Variants in MANBA observed in about 807,000 individuals in gnomAD.
The protein encoded by MANBA is mannosidase beta, also known as beta-mannosidase.
MANBA carries 83 observed loss-of-function variants against 111.1 expected under a neutral mutation model. The observed-to-expected ratio is 0.75, with a 90% CI of 0.63 to 0.90. MANBA has a LOEUF of 0.90. Ranked by LOEUF, MANBA falls within the 40% of genes least tolerant of loss-of-function variation. The pLI, the probability that MANBA is intolerant of heterozygous loss-of-function variation, is 0.00. For missense variants in MANBA, 1,036 were observed against 1,069.0 expected (o/e 0.97, Z 0.43); for synonymous variants, 370 against 378.7 (o/e 0.98, Z 0.27).
chr4:102,756,241 T>C (rs901193744), intron 1 of MANBA, among the ~76,000 whole-genome samples: 2 of 152,136 alleles, frequency 1.3e-5, no homozygotes, highest in African/African-American at 4.8e-5. Flanking sequence ...CCAACAATGA[T>C]AGACTGGATT....
chr4:102,727,008 C>T (rs1354631345), intron 1 of MANBA, among the ~76,000 whole-genome samples: 1 of 152,186 alleles, frequency 6.6e-6, no homozygotes, highest in Non-Finnish European at 1.5e-5. Context: ...AACTCCTGAC[C>T]TCAAGTGATC....
intron 12 of MANBA, among the ~76,000 whole-genome samples, chr4:102,655,872 A>G (rs1410198581): frequency 6.6e-6 from 1 of 152,220 alleles, no homozygotes; most frequent in African/African-American, 2.4e-5. Context: ...GGGAGAAAAT[A>G]TTTGCAAATC....
chr4:102,725,617 A>C (rs945580076), intron 2 of MANBA, among the ~76,000 whole-genome samples: 4 of 152,236 alleles, frequency 2.6e-5, no homozygotes, highest in African/African-American at 9.6e-5. Flanking sequence ...CACAATCAAT[A>C]TTCTGTGATG....
chr4:102,678,859 T>C (rs765694502), intron 7 of MANBA, among the ~76,000 whole-genome samples: 1 of 152,324 alleles, frequency 6.6e-6, no homozygotes, highest in South Asian at 2.1e-4. Context: ...ACCAAACAGA[T>C]GATATGTAAT....
chr4:102,682,568 C>T (rs1051038236), intron 7 of MANBA: 1 of 152,138 alleles, frequency 6.6e-6, no homozygotes, highest in African/African-American at 2.4e-5. Context: ...AGTGTCCCCC[C>T]AAAATTCATG....
intron 1 of MANBA, among the ~76,000 whole-genome samples, chr4:102,735,627 T>C (rs1279054088): frequency 6.6e-6 from 1 of 152,114 alleles, no homozygotes; most frequent in Non-Finnish European, 1.5e-5. Flanking sequence ...TGACCCTATT[T>C]GATCATACTG....
chr4:102,693,788 T>C (rs1263690932), intron 5 of MANBA, among the ~76,000 whole-genome samples: 1 of 152,128 alleles, frequency 6.6e-6, no homozygotes, highest in Non-Finnish European at 1.5e-5. Context: ...ATCCCTGCCC[T>C]AGAATATTAC....
intron 1 of MANBA, chr4:102,729,023 A>G: frequency 1.0e-6 from 1 of 971,648 alleles, no homozygotes; most frequent in Non-Finnish European, 1.7e-6. Flanking sequence ...CTCGATGTCC[A>G]GGGCCAGCTT....
At chr4:102,705,892 T>C (rs1733275231) in intron 5 of MANBA, among the ~76,000 whole-genome samples, 1 of 152,176 alleles carries the variant, frequency 6.6e-6, no homozygotes, top group Non-Finnish European at 1.5e-5. Flanking sequence ...CCACTAAACC[T>C]GCAGCTACTA....
intron 1 of MANBA, among the ~76,000 whole-genome samples, chr4:102,748,905 T>C (rs1723682514): frequency 6.6e-6 from 1 of 151,254 alleles, no homozygotes; most frequent in Non-Finnish European, 1.5e-5. Context: ...AAAGCAAGAC[T>C]CCATCTAAAA....
At chr4:102,640,770 A>G (rs1294959391) in intron 13 of MANBA, among the ~76,000 whole-genome samples, 1 of 152,210 alleles carries the variant, frequency 6.6e-6, no homozygotes, top group Non-Finnish European at 1.5e-5. Context: ...CATAAAAGCA[A>G]AAAAGCTCAG....
At chr4:102,706,043 G>A (rs903567206) in intron 5 of MANBA, among the ~76,000 whole-genome samples, 1 of 152,100 alleles carries the variant, frequency 6.6e-6, no homozygotes, top group African/African-American at 2.4e-5. Context: ...CATTTCCCAT[G>A]CCATACCTGC....
At chr4:102,689,354 AAAAAAATAT>A (rs1253002348) in intron 7 of MANBA, among the ~76,000 whole-genome samples, 1 of 113,024 alleles carries the variant, frequency 8.8e-6, no homozygotes, top group African/African-American at 3.4e-5. Flanking sequence ...GTCTCAAAAA[AAAAAAATAT>A]ATATATATAT....
intron 13 of MANBA, among the ~76,000 whole-genome samples, chr4:102,644,554 A>T (rs1258054151): frequency 6.6e-6 from 1 of 152,120 alleles, no homozygotes; most frequent in African/African-American, 2.4e-5. Context: ...TCACGTATAC[A>T]TGGAATTGAA....
At chr4:102,729,630 TC>T in intron 1 of MANBA, 1 of 1,085,260 alleles carries the variant, frequency 9.2e-7, no homozygotes, top group Non-Finnish European at 1.4e-6. Context: ...ATTGATCTCA[TC>T]CTCATACTTG....
intron 7 of MANBA, among the ~76,000 whole-genome samples, chr4:102,675,149 T>C (rs917624991): frequency 2.6e-5 from 4 of 152,216 alleles, no homozygotes; most frequent in Non-Finnish European, 5.9e-5. Flanking sequence ...GGTTCCAATA[T>C]CTAGAACAGT....
chr4:102,634,862 G>T lies in MANBA; in HGVS notation c.2341C>A (p.Leu781Ile), dbSNP rs1729547149. Residue 781 changes from leucine to isoleucine, a missense_variant, in exon 16 of 17, where the codon CTC (leucine) becomes ATC (isoleucine). Transcript: ENST00000647097. ...VSFYLSADHE[L>I]LSPTNYHFLS... ...AAGTGGTAGTTGGTCGGGCTCAGGA[G>T]TTCATGGTCAGCTGAAAGGTAAAAG... 6.2e-7 allele frequency: 1 copy of T among 1,614,096 alleles called. No homozygotes were observed. Among genetic ancestry groups the T allele is most frequent in the African/African-American group, 1.3e-5 (1 of 74,942 alleles).
At chr4:102,632,427 CA>C (rs916453047) in intron 16 of MANBA, 146 bp from the exon 17 acceptor site, 55 of 682,912 alleles carry the variant, frequency 8.1e-5, no homozygotes, top group African/African-American at 7.7e-4. Context: ...AGTGCAGTTT[CA>C]AACACAAAAC....
rs774657097 is a variant in MANBA at position 102,639,855 on chromosome 4, C to T, written c.1872G>A (p.Val624=). ...TFKDTIYLTQ[V]MQAQCVKTET... is the part of the protein sequence containing the mutation. The stretch of plus-strand genomic sequence containing the variant: ...CTGTTTTGACACACTGGGCCTGCAT[C>T]ACCTGATTCAGGAAAACATTCATAC... Residue 624 remains valine (V), a splice_region_variant and synonymous_variant, in exon 14 of 17, where the codon GTG becomes GTA. Transcript: ENST00000647097. 3.7e-6 allele frequency: 6 copies of T among 1,614,058 alleles called. No homozygotes were observed. The East Asian group carries it at 6.7e-5, about 18-fold the overall frequency.
Sources: allele counts gnomAD v4.1 joint callset (sites outside exome capture counted in the v4.1 genomes callset), GRCh38; gene constraint gnomAD v4.1.1; transcripts MANE v1.5; gene names NCBI Gene and HGNC (gene_info 2026-07-23, HGNC 2026-07-21).